GFRA1: variants seen among roughly 807,000 people sequenced by gnomAD.
GFRA1 encodes the protein GDNF family receptor alpha-1.
A neutral mutation model predicts 51.6 loss-of-function variants in GFRA1; 16 were observed. The observed-to-expected ratio is 0.31, with a 90% CI of 0.21 to 0.47. The LOEUF is 0.47. Ranked by LOEUF, GFRA1 falls within the 20% of genes least tolerant of loss-of-function variation. The pLI is 1.00. For missense variants in GFRA1, 530 were observed against 594.3 expected (o/e 0.89, Z 1.13); for synonymous variants, 270 against 241.3 (o/e 1.12, Z -1.10).
chr10:116,176,875 C>T (rs563135155), intron 5 of GFRA1, among the ~76,000 whole-genome samples: 2 of 152,150 alleles, frequency 1.3e-5, no homozygotes, highest in Non-Finnish European at 1.5e-5. Flanking sequence ...GATCACCATG[C>T]AGTGTGGCAG....
intron 5 of GFRA1, among the ~76,000 whole-genome samples, chr10:116,140,349 G>A (rs149559247): frequency 2.0e-5 from 3 of 152,238 alleles, no homozygotes; most frequent in African/African-American, 4.8e-5. Context: ...GCAGATTTAC[G>A]AGCTACTAGT....
chr10:116,115,549 C>T (rs1047712637), intron 6 of GFRA1, among the ~76,000 whole-genome samples: 1 of 152,118 alleles, frequency 6.6e-6, no homozygotes, highest in African/African-American at 2.4e-5. Context: ...TAATTAAACA[C>T]AGGACATGCT....
intron 7 of GFRA1, among the ~76,000 whole-genome samples, chr10:116,095,631 G>C (rs556670607): frequency 2.6e-4 from 39 of 152,276 alleles, no homozygotes; most frequent in African/African-American, 8.7e-4. Flanking sequence ...TGGGAGTAAA[G>C]AATGTACCAG....
At chr10:116,149,953 G>A (rs1958997067) in intron 5 of GFRA1, among the ~76,000 whole-genome samples, 1 of 152,186 alleles carries the variant, frequency 6.6e-6, no homozygotes, top group South Asian at 2.1e-4. Context: ...CTGGAAGGCA[G>A]ATGCAGTTAT....
At chr10:116,139,952 T>C (rs1016203176) in intron 5 of GFRA1, among the ~76,000 whole-genome samples, 11 of 152,258 alleles carry the variant, frequency 7.2e-5, no homozygotes, top group African/African-American at 2.7e-4. Context: ...ACACAGATAC[T>C]AATTAGCCTT....
intron 9 of GFRA1, among the ~76,000 whole-genome samples, chr10:116,071,587 G>A (rs1027583712): frequency 6.6e-6 from 1 of 152,180 alleles, no homozygotes; most frequent in African/African-American, 2.4e-5. Flanking sequence ...GAAGCTGACA[G>A]ACAGGCTCCA....
intron 9 of GFRA1, among the ~76,000 whole-genome samples, chr10:116,066,374 A>G (rs1458619715): frequency 6.6e-6 from 1 of 152,096 alleles, no homozygotes; most frequent in Non-Finnish European, 1.5e-5. Context: ...CAGTACAGAT[A>G]CTCAATCCAG....
intron 4 of GFRA1, among the ~76,000 whole-genome samples, chr10:116,266,316 C>T (rs996586389): frequency 1.3e-5 from 2 of 152,178 alleles, no homozygotes; most frequent in African/African-American, 2.4e-5. Flanking sequence ...ACACTGTTGT[C>T]CTGGCTTCCT....
chr10:116,211,137 T>A (rs1240473156), intron 5 of GFRA1, among the ~76,000 whole-genome samples: 1 of 152,216 alleles, frequency 6.6e-6, no homozygotes, highest in Non-Finnish European at 1.5e-5. Flanking sequence ...CAGACCCAGC[T>A]GGCGAGGTTG....
intron 2 of GFRA1, 119 bp from the exon 3 acceptor site, chr10:116,271,234 C>T (rs1259192485): frequency 1.3e-6 from 1 of 764,102 alleles, no homozygotes; most frequent in East Asian, 2.7e-5. Context: ...GGGCGCCCTG[C>T]TCTGGGAGCG....
chr10:116,259,056 C>T (rs532757652), intron 4 of GFRA1, among the ~76,000 whole-genome samples: 2 of 152,248 alleles, frequency 1.3e-5, no homozygotes, highest in East Asian at 3.9e-4. Context: ...ATTCAAAACG[C>T]GTAGTAACAG....
chr10:116,176,523 C>G (rs1185697128), intron 5 of GFRA1, among the ~76,000 whole-genome samples: 1 of 152,102 alleles, frequency 6.6e-6, no homozygotes, highest in Non-Finnish European at 1.5e-5. Flanking sequence ...ACATCAAATG[C>G]TGCTCCCCCT....
chr10:116,082,139 A>G (rs752458519), intron 9 of GFRA1, among the ~76,000 whole-genome samples: 35 of 152,142 alleles, frequency 2.3e-4, no homozygotes, highest in Non-Finnish European at 4.7e-4. Context: ...TAATGTCAGC[A>G]TTGGTTAAAG....
intron 4 of GFRA1, among the ~76,000 whole-genome samples, chr10:116,218,000 T>A (rs955758731): frequency 1.3e-5 from 2 of 152,210 alleles, no homozygotes; most frequent in African/African-American, 2.4e-5. Flanking sequence ...TAATTCCTTC[T>A]TGTCATCCTG....
intron 9 of GFRA1, among the ~76,000 whole-genome samples, chr10:116,081,846 A>G (rs1457852968): frequency 2.0e-5 from 3 of 152,190 alleles, no homozygotes; most frequent in Non-Finnish European, 4.4e-5. Flanking sequence ...TTTAATATTT[A>G]TATATTGATT....
At chr10:116,196,776 GTATATAATATAATATATAATACA>G (rs1963907480) in intron 5 of GFRA1, among the ~76,000 whole-genome samples, 1 of 98,744 alleles carries the variant, frequency 1.0e-5, no homozygotes, top group Non-Finnish European at 2.0e-5. Context: ...ATATAATACT[GTATATAATATAATATATAATACA>G]TATATAAATA....
At chr10:116,226,038 G>A (rs1966272635) in intron 4 of GFRA1, among the ~76,000 whole-genome samples, 1 of 152,070 alleles carries the variant, frequency 6.6e-6, no homozygotes, top group Non-Finnish European at 1.5e-5. Context: ...AGTACTTTCA[G>A]ATCTAGTACT....
rs1452694250 is a variant in GFRA1 at position 116,059,992 on chromosome 10, G to C, written c.*4406C>G. Reference sequence around the variant, plus strand: ...GCAATACTTAGGCAATAAAGAACAAGGTGGTGGAGGGAGGCCTGAATAATA... The same window carrying C: ...GCAATACTTAGGCAATAAAGAACAACGTGGTGGAGGGAGGCCTGAATAATA... On this transcript the variant is annotated 3_prime_UTR_variant, in exon 11 of 11. Transcript: ENST00000355422. The C allele has an allele frequency of 6.6e-6, 1 of 152,218 alleles. No homozygotes were observed. The highest frequency in any genetic ancestry group is 6.5e-5 in the Admixed American group (1 of 15,288). The allele number at this position is 152,218 out of a possible 1,614,324, so 9.4% of individuals were successfully genotyped here.
At chr10:116,206,467 G>C (rs1405377319) in intron 5 of GFRA1, among the ~76,000 whole-genome samples, 6 of 152,034 alleles carry the variant, frequency 3.9e-5, no homozygotes, top group Admixed American at 3.9e-4. Context: ...AACAGGCTTG[G>C]CTCGGCTGCC....
Sources: allele counts gnomAD v4.1 joint callset (sites outside exome capture counted in the v4.1 genomes callset), GRCh38; gene constraint gnomAD v4.1.1; transcripts MANE v1.5; gene names NCBI Gene and HGNC (gene_info 2026-07-23, HGNC 2026-07-21).